Variants in ABI3BP observed in about 807,000 individuals in gnomAD.
ABI3BP encodes target of Nesh-SH3.
Under a neutral mutation model 268.6 loss-of-function variants are expected in ABI3BP, and 216 were observed. The ratio of observed to expected loss-of-function variants is 0.80; its 90% CI spans 0.72 to 0.90. The LOEUF (loss-of-function observed/expected upper bound fraction) is 0.90. Among genes scored for constraint, ABI3BP ranks in the 40% least tolerant of loss-of-function variants. The pLI is 0.00. For synonymous variants in ABI3BP, 730 were observed against 730.0 expected (o/e 1.00, Z 0.00); for missense variants, 2,090 against 2,182.4 (o/e 0.96, Z 0.84).
intron 2 of ABI3BP, among the ~76,000 whole-genome samples, chr3:100,916,497 T>C (rs1007231955): frequency 6.6e-6 from 1 of 152,206 alleles, no homozygotes; most frequent in African/African-American, 2.4e-5. Context: ...GGAGTCAGCC[T>C]GCTACTTGTA....
chr3:100,913,102 T>TA (rs2153569174), intron 2 of ABI3BP, among the ~76,000 whole-genome samples: 1 of 152,318 alleles, frequency 6.6e-6, no homozygotes, highest in African/African-American at 2.4e-5. Context: ...CCAGTAGTTC[T>TA]AAGTTTCAAC....
At chr3:100,769,544 G>A (rs531504047) in intron 62 of ABI3BP, among the ~76,000 whole-genome samples, 16 of 152,260 alleles carry the variant, frequency 1.1e-4, no homozygotes, top group African/African-American at 3.9e-4. Context: ...CCAACTCAAT[G>A]TTCCGTATCT....
At chr3:100,935,351 AC>A (rs1446952042) in intron 1 of ABI3BP, among the ~76,000 whole-genome samples, 2 of 152,162 alleles carry the variant, frequency 1.3e-5, no homozygotes, top group Non-Finnish European at 2.9e-5. Context: ...CTGTTTTGGT[AC>A]AAGTACCATG....
intron 61 of ABI3BP, among the ~76,000 whole-genome samples, chr3:100,772,304 T>C (rs915273150): frequency 6.6e-6 from 1 of 152,198 alleles, no homozygotes; most frequent in African/African-American, 2.4e-5. Context: ...CACAAAGTGA[T>C]GAAAAGCGCA....
intron 65 of ABI3BP, among the ~76,000 whole-genome samples, chr3:100,753,235 A>G (rs944829085): frequency 2.6e-5 from 4 of 152,098 alleles, no homozygotes; most frequent in Non-Finnish European, 4.4e-5. Flanking sequence ...TTTTTGTAGC[A>G]TGTTATAAAG....
intron 2 of ABI3BP, among the ~76,000 whole-genome samples, chr3:100,919,013 C>T (rs938174118): frequency 2.6e-5 from 4 of 152,168 alleles, no homozygotes; most frequent in African/African-American, 4.8e-5. Flanking sequence ...GCATCCGTAT[C>T]GAGTCTGATA....
intron 46 of ABI3BP, 50 bp downstream of exon 46, chr3:100,812,417 T>G: frequency 1.7e-4 from 200 of 1,192,484 alleles, no homozygotes; most frequent in Non-Finnish European, 2.0e-4. Flanking sequence ...GACTTTGCAA[T>G]GAGATGGAAA....
intron 1 of ABI3BP, among the ~76,000 whole-genome samples, chr3:100,971,619 T>C (rs1423764792): frequency 6.6e-6 from 1 of 152,200 alleles, no homozygotes; most frequent in Admixed American, 6.5e-5. Flanking sequence ...CTTCCACTCT[T>C]CCACTTTTAT....
intron 51 of ABI3BP, among the ~76,000 whole-genome samples, chr3:100,802,072 T>C (rs2097550530): frequency 6.6e-6 from 1 of 152,176 alleles, no homozygotes; most frequent in Non-Finnish European, 1.5e-5. Context: ...TTTTAAACAA[T>C]AAGGCTCAAT....
At chr3:100,834,532 A>C (rs552728748) in intron 29 of ABI3BP, among the ~76,000 whole-genome samples, 152 bp downstream of exon 29, 1 of 152,186 alleles carries the variant, frequency 6.6e-6, no homozygotes, top group Non-Finnish European at 1.5e-5. Flanking sequence ...AGTCACAGGT[A>C]TCGCCAGAGC....
At chr3:100,939,377 C>A (rs1277243949) in intron 1 of ABI3BP, among the ~76,000 whole-genome samples, 1 of 139,568 alleles carries the variant, frequency 7.2e-6, no homozygotes, top group Non-Finnish European at 1.6e-5. Context: ...TATCGAGGAA[C>A]CTGCCCCAAT....
At chr3:100,792,564 C>T in intron 55 of ABI3BP, 127 bp downstream of exon 55, 4 of 911,970 alleles carry the variant, frequency 4.4e-6, no homozygotes, top group Non-Finnish European at 6.8e-6. Flanking sequence ...ATTTCTTTCA[C>T]CTATAAAATG....
intron 51 of ABI3BP, among the ~76,000 whole-genome samples, chr3:100,801,451 G>T (rs866118223): frequency 2.2e-5 from 3 of 139,534 alleles, no homozygotes; most frequent in Non-Finnish European, 4.8e-5. Flanking sequence ...GAAAAGAAAA[G>T]AAAAGAAAAA....
At chr3:100,761,415 C>T (rs1419642676) in intron 63 of ABI3BP, among the ~76,000 whole-genome samples, 1 of 152,072 alleles carries the variant, frequency 6.6e-6, no homozygotes, top group African/African-American at 2.4e-5. Context: ...CTGGGGAGGC[C>T]CCTTAAGGCC....
In ABI3BP at chr3:100,926,286, T is replaced by C. The variant is rs1260526738; in HGVS notation, c.259+16A>G. ...TTACCTCCTTTCCTTCCCAGCCCGA[T>C]ACCCAAACACCTTACCAACTATAGC... is the stretch of plus-strand genomic sequence containing the variant. On this transcript the variant is annotated intron_variant, in intron 2 of 67. Coordinates refer to ENST00000471714, the MANE Select transcript of ABI3BP (RefSeq NM_001375547.2). 1 of 1,611,760 alleles carries C rather than the reference T, an allele frequency of 6.2e-7. No individual in the cohort carries two copies. The highest frequency in any genetic ancestry group is 8.5e-7 in the Non-Finnish European group (1 of 1,178,300).
At chr3:100,962,101 C>T (rs976962004) in intron 1 of ABI3BP, among the ~76,000 whole-genome samples, 4 of 152,180 alleles carry the variant, frequency 2.6e-5, no homozygotes, top group African/African-American at 9.7e-5. Context: ...CCTCATTCCT[C>T]TTGCCAAATC....
At chr3:100,819,818 A>G (rs1233573438) in intron 40 of ABI3BP, among the ~76,000 whole-genome samples, 1 of 151,824 alleles carries the variant, frequency 6.6e-6, no homozygotes, top group African/African-American at 2.4e-5. Context: ...GTGTGGTGGC[A>G]CGCGCCTGCA....
intron 20 of ABI3BP, chr3:100,844,429 G>C (rs538461869): frequency 1.0e-6 from 1 of 985,256 alleles, no homozygotes; most frequent in Non-Finnish European, 1.2e-6. Flanking sequence ...AATCAATGTG[G>C]ATTTTTACTC....
intron 10 of ABI3BP, 53 bp downstream of exon 10, chr3:100,866,826 G>GA (rs1052680625): frequency 6.6e-6 from 10 of 1,506,812 alleles, no homozygotes; most frequent in African/African-American, 4.2e-5. Flanking sequence ...ATTAGTATTT[G>GA]AAAAAAAGCA....
Sources: allele counts gnomAD v4.1 joint callset (sites outside exome capture counted in the v4.1 genomes callset), GRCh38; gene constraint gnomAD v4.1.1; transcripts MANE v1.5; gene names NCBI Gene and HGNC (gene_info 2026-07-23, HGNC 2026-07-21).